The following KMO variants were observed in gnomAD, a reference collection of about 807,000 sequenced individuals.
The protein encoded by KMO is kynurenine 3-hydroxylase.
Under a neutral mutation model 57.8 loss-of-function variants are expected in KMO, and 24 were observed. That is an observed-to-expected ratio of 0.42 (90% confidence interval 0.30 to 0.58). The LOEUF (loss-of-function observed/expected upper bound fraction) is 0.58, where lower values mean the gene tolerates loss of function less well. Among genes scored for constraint, KMO ranks in the 20% least tolerant of loss-of-function variants. The pLI, the probability that KMO is intolerant of heterozygous loss-of-function variation, is 0.22. For synonymous variants in KMO, 210 were observed against 193.6 expected (o/e 1.08, Z -0.70); for missense variants, 483 against 588.2 (o/e 0.82, Z 1.85).
intron 1 of KMO, among the ~76,000 whole-genome samples, chr1:241,535,291 A>G (rs778483159): frequency 4.6e-5 from 7 of 151,650 alleles, no homozygotes; most frequent in Non-Finnish European, 7.4e-5. Context: ...CCTCCTTTCC[A>G]TAAACCATAT....
intron 4 of KMO, among the ~76,000 whole-genome samples, chr1:241,553,026 G>C (rs1406219903): frequency 6.6e-6 from 1 of 152,170 alleles, no homozygotes; most frequent in African/African-American, 2.4e-5. Context: ...ATTGAGAATA[G>C]ATAAAATAAA....
intron 10 of KMO, among the ~76,000 whole-genome samples, chr1:241,579,892 C>T (rs575062844): frequency 1.3e-5 from 2 of 152,242 alleles, no homozygotes; most frequent in South Asian, 4.1e-4. Flanking sequence ...CATGAGGTTC[C>T]CAGTAATGTA....
chr1:241,540,287 A>T (rs1422187527), intron 1 of KMO, among the ~76,000 whole-genome samples: 2 of 152,148 alleles, frequency 1.3e-5, no homozygotes, highest in Non-Finnish European at 2.9e-5. Flanking sequence ...CCTCTCTGGG[A>T]ATTTACTGCC....
intron 10 of KMO, among the ~76,000 whole-genome samples, chr1:241,584,725 A>G (rs937041490): frequency 1.3e-5 from 2 of 152,250 alleles, no homozygotes; most frequent in African/African-American, 2.4e-5. Context: ...AAGTAAAAAT[A>G]GCTTTTGAAT....
At chr1:241,565,546 C>A (rs912605956) in intron 8 of KMO, among the ~76,000 whole-genome samples, 1 of 124,602 alleles carries the variant, frequency 8.0e-6, no homozygotes, top group Non-Finnish European at 1.7e-5. Context: ...CATAGCAAGA[C>A]CTTGCCTCTA....
At chr1:241,575,999 A>G (rs935294234) in intron 10 of KMO, among the ~76,000 whole-genome samples, 31 of 147,196 alleles carry the variant, frequency 2.1e-4, no homozygotes, top group African/African-American at 7.7e-4. Flanking sequence ...CAATCCTTTT[A>G]TCATTTTGTA....
chr1:241,590,104 C>T lies in KMO; in HGVS notation c.1191C>T (p.Leu397=). 2 of 1,612,466 alleles carry T rather than the reference C, an allele frequency of 1.2e-6. No homozygotes were observed. Among genetic ancestry groups the T allele is most frequent in the Non-Finnish European group, 1.7e-6 (2 of 1,178,526 alleles). The change falls in exon 13 of 15, where the codon CTC becomes CTT. Residue 397 remains leucine, a synonymous_variant. Coordinates refer to ENST00000366559, the MANE Select transcript of KMO (RefSeq NM_003679.5). The stretch of plus-strand genomic sequence containing the variant: ...TTATGCCATCGACCTTTATCCCTCT[C>T]TATACAATGGTAAGGTCTGGACTGA... ...HAIMPSTFIP[L]YTMVTFSRIR... is the part of the protein sequence containing the mutation.
At chr1:241,570,656 GC>G (rs1179065927) in intron 10 of KMO, among the ~76,000 whole-genome samples, 1 of 152,010 alleles carries the variant, frequency 6.6e-6, no homozygotes, top group East Asian at 1.9e-4. Flanking sequence ...CTGTCTCTAT[GC>G]CCGTACCATG....
chr1:241,551,522 A>G (rs1661391599), intron 4 of KMO, among the ~76,000 whole-genome samples: 1 of 152,244 alleles, frequency 6.6e-6, no homozygotes, highest in African/African-American at 2.4e-5. Context: ...CTAAAAGAAC[A>G]GAGGCCAGAT....
chr1:241,591,906 A>G (rs371088195), intron 14 of KMO, 47 bp from the exon 15 acceptor site: 1 of 1,506,438 alleles, frequency 6.6e-7, no homozygotes, highest in African/African-American at 1.4e-5. Flanking sequence ...CTATTTTCAG[A>G]TTTTAATCTC....
chr1:241,576,047 T>C (rs1235672153), intron 10 of KMO, among the ~76,000 whole-genome samples: 1 of 151,802 alleles, frequency 6.6e-6, no homozygotes, highest in Admixed American at 6.6e-5. Context: ...TAACTGTTGT[T>C]TTAAAGTCTG....
intron 7 of KMO, among the ~76,000 whole-genome samples, chr1:241,564,588 G>C (rs1215829358): frequency 6.6e-6 from 1 of 151,764 alleles, no homozygotes; most frequent in Non-Finnish European, 1.5e-5. Flanking sequence ...TATAATGTAT[G>C]TGCATACATT....
chr1:241,590,360 G>A (rs1008387311), intron 14 of KMO, 97 bp downstream of exon 14: 2 of 987,452 alleles, frequency 2.0e-6, no homozygotes, highest in Non-Finnish European at 3.2e-6. Flanking sequence ...AGAAATAATG[G>A]GACAGACACC....
At position 241,548,819 on chromosome 1, in the gene KMO, TA is replaced by T; in HGVS notation, c.55-8del. 1.3e-6 allele frequency: 2 copies of T among 1,537,248 alleles called. No homozygotes were observed. The highest frequency in any genetic ancestry group is 9.0e-7 in the Non-Finnish European group (1 of 1,114,334). On this transcript the variant is annotated splice_polypyrimidine_tract_variant and intron_variant, in intron 1 of 14. Transcript: ENST00000366559. ...ATCAGATAAATATTTAATTTTTTTTTAATTTCTAGGTTGGCTCATTACAAGC... is the reference window on the plus strand; with the variant it reads ...ATCAGATAAATATTTAATTTTTTTTTATTTCTAGGTTGGCTCATTACAAGC...
chr1:241,583,568 C>T (rs775609326), intron 10 of KMO, among the ~76,000 whole-genome samples: 3 of 152,118 alleles, frequency 2.0e-5, no homozygotes, highest in Non-Finnish European at 2.9e-5. Flanking sequence ...GGGAGTTTTT[C>T]CCCAAGCTGC....
intron 4 of KMO, among the ~76,000 whole-genome samples, chr1:241,551,823 T>C (rs929413095): frequency 4.6e-5 from 7 of 152,200 alleles, no homozygotes; most frequent in African/African-American, 1.7e-4. Flanking sequence ...TCATTGAAAC[T>C]AGACCTGTGC....
At position 241,594,905 on chromosome 1, in the gene KMO, G is replaced by C; in HGVS notation, c.*2752G>C. The C allele has an allele frequency of 5.5e-6, 3 of 547,302 alleles. No homozygotes were observed. Among genetic ancestry groups the C allele is most frequent in the Non-Finnish European group, 9.6e-6 (3 of 311,128 alleles). 33.9% of individuals were successfully genotyped at this position (547,302 alleles called of 1,614,324 possible). A position where few individuals can be genotyped will look rare whatever the true frequency, so the allele number is the denominator to read the frequency against. ...TAATTCTTATTAACCGGAATATGTAGGACCATTTCAATACCTTGTAATCCT... is the reference window on the plus strand; with the variant it reads ...TAATTCTTATTAACCGGAATATGTACGACCATTTCAATACCTTGTAATCCT... On this transcript the variant is annotated 3_prime_UTR_variant, in exon 15 of 15. Transcript: ENST00000366559.
Position 241,592,282 on chromosome 1 carries a change from T to A in KMO, c.*129T>A. ...GTTCTGCTTATAATTAAACTGAATG[T>A]AGAGTATCTCTGTATGTTAATTGCA... On this transcript the variant is annotated 3_prime_UTR_variant, in exon 15 of 15. Transcript: ENST00000366559. 1.4e-6 allele frequency: 1 copy of A among 690,142 alleles called. No individual in the cohort carries two copies. The highest frequency in any genetic ancestry group is 2.5e-6 in the Non-Finnish European group (1 of 406,530). The allele number at this position is 690,142 out of a possible 1,614,324, so 42.8% of individuals were successfully genotyped here.
At chr1:241,580,363 T>G (rs536301253) in intron 10 of KMO, among the ~76,000 whole-genome samples, 1 of 152,244 alleles carries the variant, frequency 6.6e-6, no homozygotes, top group South Asian at 2.1e-4. Flanking sequence ...GGGGGAAAGA[T>G]TTTTTCTTTC....
Sources: gnomAD v4.1 joint callset for allele counts (sites outside exome capture counted in the v4.1 genomes callset) on GRCh38, gnomAD v4.1.1 for gene constraint, MANE v1.5 for transcripts, NCBI Gene and HGNC (gene_info 2026-07-23, HGNC 2026-07-21) for gene names.